SUCO: variants seen among roughly 807,000 people sequenced by gnomAD.
The protein encoded by SUCO is SUN domain-containing ossification factor.
SUCO carries 57 observed loss-of-function variants against 148.1 expected under a neutral mutation model. The observed-to-expected ratio is 0.38, with a 90% confidence interval of 0.31 to 0.48. The LOEUF (loss-of-function observed/expected upper bound fraction) is 0.48. Among genes scored for constraint, SUCO ranks in the 20% least tolerant of loss-of-function variants. The probability of loss-of-function intolerance (pLI) is 0.96; values close to 1 mark genes in which losing one functional copy is unlikely to be tolerated. For missense variants in SUCO, 1,331 were observed against 1,468.2 expected, an observed-to-expected ratio of 0.91 and a Z score of 1.53; for synonymous variants, 470 against 502.7, an observed-to-expected ratio of 0.93 and a Z score of 0.87.
At chr1:172,574,974 T>G (rs1271552668) in intron 10 of SUCO, 14 of 826,164 alleles carry the variant, frequency 1.7e-5, no homozygotes, top group Non-Finnish European at 1.9e-5. Context: ...ATAAGTAAAG[T>G]GTATTTTTTT....
At position 172,560,088 on chromosome 1, in the gene SUCO, G is replaced by C. The variant is rs115842549; in HGVS notation, c.732+2294G>C. Among the ~76,000 whole-genome samples the C allele has an allele frequency of 2.5e-3, 380 of 152,316 alleles. 1 individual carries two copies. The highest frequency in any genetic ancestry group is 8.7e-3 in the African/African-American group (360 of 41,556). On this transcript the variant is annotated intron_variant, in intron 6 of 23. Coordinates refer to ENST00000263688, the MANE Select transcript of SUCO (RefSeq NM_014283.5). The stretch of plus-strand genomic sequence containing the variant: ...GATGAGTGAAAATCTTTGGATAACT[G>C]ATAGGGGCCCAGAGACAGGATGAGT...
At chr1:172,594,016 G>C (rs910844261) in intron 19 of SUCO, among the ~76,000 whole-genome samples, 10 of 152,158 alleles carry the variant, frequency 6.6e-5, no homozygotes, top group African/African-American at 2.4e-4. Context: ...GGGTGTATGT[G>C]TCCAGGAATT....
chr1:172,605,226 G>A (rs1657789102), intron 22 of SUCO, among the ~76,000 whole-genome samples: 1 of 151,722 alleles, frequency 6.6e-6, no homozygotes, highest in African/African-American at 2.4e-5. Context: ...GTACTTTTGG[G>A]TCATATCCAA....
chr1:172,603,253 C>G (rs1160669571), intron 22 of SUCO: 1 of 154,192 alleles, frequency 6.5e-6, no homozygotes, highest in Non-Finnish European at 1.4e-5. Context: ...GTTCCATTGT[C>G]TAACACTAAA....
chr1:172,535,308 A>C (rs1651926229), intron 1 of SUCO, among the ~76,000 whole-genome samples: 1 of 152,228 alleles, frequency 6.6e-6, no homozygotes, highest in Non-Finnish European at 1.5e-5. Context: ...GGGTTAGTAT[A>C]TTTTGAGATT....
chr1:172,586,016 A>C, intron 17 of SUCO, 68 bp downstream of exon 17: 2 of 1,031,586 alleles, frequency 1.9e-6, no homozygotes, highest in Non-Finnish European at 2.8e-6. Context: ...AGTATAAAAA[A>C]AGGAATTTGT....
At chr1:172,583,784 C>T (rs1656045651) in intron 15 of SUCO, among the ~76,000 whole-genome samples, 1 of 152,094 alleles carries the variant, frequency 6.6e-6, no homozygotes, top group Non-Finnish European at 1.5e-5. Context: ...AAAGGTTAGA[C>T]TGGGAATGAA....
intron 6 of SUCO, among the ~76,000 whole-genome samples, chr1:172,568,111 A>C (rs540234982): frequency 1.3e-4 from 20 of 152,312 alleles, no homozygotes; most frequent in Non-Finnish European, 2.5e-4. Context: ...CTTATGATCT[A>C]AGGTGGAACA....
chr1:172,532,909 GC>G (rs1487432903), upstream of SUCO: 4 of 1,404,782 alleles, frequency 2.8e-6, no homozygotes, highest in Non-Finnish European at 3.8e-6. Flanking sequence ...GAGAGCATCT[GC>G]TCCTGCGCTT....
chr1:172,603,977 C>A (rs1246372338), intron 22 of SUCO, among the ~76,000 whole-genome samples: 1 of 151,900 alleles, frequency 6.6e-6, no homozygotes, highest in African/African-American at 2.4e-5. Flanking sequence ...TGGGTATACA[C>A]TGGAAATGGG....
At chr1:172,553,434 C>T in intron 3 of SUCO, 64 bp downstream of exon 3, 1 of 1,186,418 alleles carries the variant, frequency 8.4e-7, no homozygotes, top group South Asian at 1.6e-5. Context: ...AGATTGAAAA[C>T]CTTTGGTCAC....
At chr1:172,600,705 TGTGTGTG>T (rs1441220798) in intron 20 of SUCO, among the ~76,000 whole-genome samples, 1 of 36,500 alleles carries the variant, frequency 2.7e-5, no homozygotes, top group African/African-American at 9.9e-5. Context: ...AATGTGTGTG[TGTGTGTG>T]TGTGTGTGTG....
intron 1 of SUCO, among the ~76,000 whole-genome samples, chr1:172,540,643 G>A (rs992421177): frequency 1.3e-5 from 2 of 152,178 alleles, no homozygotes; most frequent in African/African-American, 4.8e-5. Context: ...TGGGTTTAAG[G>A]GAAATGTGTG....
At chr1:172,587,568 T>C (rs988711123) in intron 17 of SUCO, among the ~76,000 whole-genome samples, 2 of 152,122 alleles carry the variant, frequency 1.3e-5, no homozygotes, top group Non-Finnish European at 2.9e-5. Context: ...AGAAATATTA[T>C]TAGAGACTAA....
chr1:172,606,047 T>G (rs1208257029), intron 22 of SUCO, among the ~76,000 whole-genome samples: 1 of 151,606 alleles, frequency 6.6e-6, no homozygotes, highest in African/African-American at 2.4e-5. Flanking sequence ...GTTACAAACA[T>G]GAATTATATT....
intron 6 of SUCO, among the ~76,000 whole-genome samples, chr1:172,566,358 C>G (rs1408215109): frequency 6.6e-6 from 1 of 152,238 alleles, no homozygotes; most frequent in African/African-American, 2.4e-5. Flanking sequence ...CACCTTCTCT[C>G]CATCTCTGCT....
chr1:172,572,751 G>C (rs1490494335), intron 9 of SUCO, among the ~76,000 whole-genome samples: 2 of 141,846 alleles, frequency 1.4e-5, no homozygotes, highest in African/African-American at 2.6e-5. Context: ...TGCTAAAAAG[G>C]AGTATGTTTC....
At chr1:172,552,678 A>C in intron 2 of SUCO, 1 of 957,870 alleles carries the variant, frequency 1.0e-6, no homozygotes, top group Non-Finnish European at 1.2e-6. Context: ...TTATATTTTC[A>C]CCCACACAGT....
At chr1:172,607,592 C>T (rs1370922318) in intron 22 of SUCO, among the ~76,000 whole-genome samples, 2 of 151,636 alleles carry the variant, frequency 1.3e-5, no homozygotes, top group African/African-American at 2.4e-5. Context: ...CTTGACTGTC[C>T]GGGTTCCCAC....
Sources: gnomAD v4.1 joint callset for allele counts (sites outside exome capture counted in the v4.1 genomes callset) on GRCh38, gnomAD v4.1.1 for gene constraint, MANE v1.5 for transcripts, NCBI Gene and HGNC (gene_info 2026-07-23, HGNC 2026-07-21) for gene names.